CDH23: variants seen among roughly 807,000 people sequenced by gnomAD.
CDH23 encodes the protein cadherin-23.
A neutral mutation model predicts 317.1 loss-of-function variants in CDH23; 189 were observed. That is an observed-to-expected ratio of 0.60 (90% CI 0.53 to 0.67). The LOEUF (loss-of-function observed/expected upper bound fraction) is 0.67. CDH23 is among the 30% of genes least tolerant of loss of function. The pLI, the probability that CDH23 is intolerant of heterozygous loss-of-function variation, is 0.00. For missense variants in CDH23, 4,401 were observed against 4,592.4 expected (o/e 0.96, Z 1.20); for synonymous variants, 1,839 against 1,876.8 (o/e 0.98, Z 0.52).
At chr10:71,654,576 T>G (rs961191208) in intron 14 of CDH23, among the ~76,000 whole-genome samples, 1 of 152,222 alleles carries the variant, frequency 6.6e-6, no homozygotes, top group African/African-American at 2.4e-5. Flanking sequence ...AGGCCTTCTC[T>G]TTCCTTGGGA....
intron 38 of CDH23, among the ~76,000 whole-genome samples, chr10:71,765,008 C>T (rs1437714749): frequency 6.6e-6 from 1 of 152,226 alleles, no homozygotes; most frequent in Admixed American, 6.5e-5. Flanking sequence ...TTCCCCTTCA[C>T]ACCTGAGTGG....
At chr10:71,561,532 G>A (rs1235306776) in intron 6 of CDH23, among the ~76,000 whole-genome samples, 4 of 152,132 alleles carry the variant, frequency 2.6e-5, no homozygotes, top group African/African-American at 4.8e-5. Flanking sequence ...TCCTTTGCAC[G>A]GCAGAACTTT....
chr10:71,531,137 T>C (rs1241934229), intron 6 of CDH23, among the ~76,000 whole-genome samples: 1 of 152,210 alleles, frequency 6.6e-6, no homozygotes, highest in Non-Finnish European at 1.5e-5. Flanking sequence ...AGTTCACCCC[T>C]AAGAGGCTGC....
At position 71,806,231 on chromosome 10, in the gene CDH23, G is replaced by C. The variant is rs936651118; in HGVS notation, c.8128G>C (p.Val2710Leu). 6.3e-7 allele frequency: 1 copy of C among 1,577,956 alleles called. No individual in the cohort carries two copies. The highest frequency in any genetic ancestry group is 1.3e-5 in the African/African-American group (1 of 74,256). The stretch of plus-strand genomic sequence containing the variant: ...ATACGAGACTATGCAGCCGCTGCAG[G>C]TGGCCCTGGAGGACATCGATGACAA... ...VPYETMQPLQ[V>L]ALEDIDDNEP... The change falls in exon 57 of 70, where the codon GTG (valine) becomes CTG (leucine). Residue 2710 changes from valine to leucine, a missense_variant. By Grantham distance (32) the Val-to-Leu change is conservative. This residue lies in a region of CDH23 where 1,144 missense variants were observed against 1,138.2 expected (regional missense o/e 1.01). Coordinates refer to ENST00000224721, the MANE Select transcript of CDH23 (RefSeq NM_022124.6).
intron 3 of CDH23, among the ~76,000 whole-genome samples, chr10:71,461,844 C>A (rs934440025): frequency 7.2e-5 from 11 of 152,208 alleles, no homozygotes; most frequent in Admixed American, 6.5e-5. Flanking sequence ...GGGGTGTGGG[C>A]TCATGTTGGC....
At chr10:71,583,402 G>A (rs1277721517) in intron 9 of CDH23, among the ~76,000 whole-genome samples, 3 of 152,238 alleles carry the variant, frequency 2.0e-5, no homozygotes, top group African/African-American at 7.2e-5. Flanking sequence ...AGTCAGGATT[G>A]CGTTTGGGAA....
rs1280167161 is a variant in CDH23, at chr10:71,809,509, G to A, written c.8723-311G>A. Reference sequence around the variant, plus strand: ...GTGGAATTCTGAGGTACATGTGTTTGAAAGAGAGAGGAGAAACAGACAGAC... The same window carrying A: ...GTGGAATTCTGAGGTACATGTGTTTAAAAGAGAGAGGAGAAACAGACAGAC... On this transcript the variant is annotated intron_variant, in intron 60 of 69. Transcript: ENST00000224721. Among the ~76,000 whole-genome samples, 5 of 152,152 alleles carry A rather than the reference G, an allele frequency of 3.3e-5. No homozygotes were observed. The East Asian group carries it at 9.6e-4, about 29-fold the overall frequency.
chr10:71,463,620 C>T lies in CDH23; in HGVS notation c.145+17225C>T, dbSNP rs1023797610. ...TAGTATTCCCTTACCTGCCATCTCT[C>T]CTGCCAGGGTGTTCTTGTCTGTAAA... On this transcript the variant is annotated intron_variant, in intron 3 of 69. Coordinates refer to ENST00000224721, the MANE Select transcript of CDH23 (RefSeq NM_022124.6). 4.6e-5 allele frequency among the ~76,000 whole-genome samples: 7 copies of T among 152,316 alleles called. No individual in the cohort carries two copies. The South Asian group carries it at 1.4e-3, about 32-fold the overall frequency.
intron 14 of CDH23, among the ~76,000 whole-genome samples, chr10:71,659,404 G>A (rs1179736117): frequency 6.6e-6 from 1 of 152,216 alleles, no homozygotes; most frequent in African/African-American, 2.4e-5. Context: ...AAAGCCTAGA[G>A]CAGCAGGTGG....
Position 71,812,547 on chromosome 10 carries a change from G to A in CDH23, c.9448G>A (p.Asp3150Asn), listed in dbSNP as rs904629858. The A allele has an allele frequency of 6.2e-7, 1 of 1,613,954 alleles. No homozygotes were observed. Among genetic ancestry groups the A allele is most frequent in the Admixed American group, 1.7e-5 (1 of 60,032 alleles). Residue 3150 changes from aspartate to asparagine, a missense_variant, in exon 67 of 70, where the codon GAT (aspartate) becomes AAT (asparagine). Physicochemically the swap from Asp to Asn is conservative, Grantham distance 23. Transcript: ENST00000224721. ...LELAAQAEHEDDLPENLSEIA... is the reference protein window; with the variant it reads ...LELAAQAEHENDLPENLSEIA... ...GCTGGCCGCCCAGGCGGAGCATGAG[G>A]ATGACCTACCGGAGAACCTGAGTGA...
intron 3 of CDH23, among the ~76,000 whole-genome samples, chr10:71,477,250 C>T (rs544939431): frequency 5.3e-5 from 8 of 152,172 alleles, no homozygotes; most frequent in Admixed American, 1.3e-4. Context: ...CTTACTGCAA[C>T]CTCCGCCTCC....
chr10:71,450,547 C>T (rs945760099), intron 3 of CDH23, among the ~76,000 whole-genome samples: 1 of 152,198 alleles, frequency 6.6e-6, no homozygotes, highest in Non-Finnish European at 1.5e-5. Context: ...GGATTACAGG[C>T]GTGAGCCACC....
chr10:71,740,692 C>T, intron 36 of CDH23, 130 bp from the exon 37 acceptor site: 1 of 1,327,306 alleles, frequency 7.5e-7, no homozygotes, highest in South Asian at 1.4e-5. Context: ...CCAGGCCACC[C>T]AGGGGTTCTC....
In CDH23 at chr10:71,793,396, C is replaced by T. The variant is rs1486882538; in HGVS notation, c.6468C>T (p.Gly2156=). 1.2e-6 allele frequency: 2 copies of T among 1,613,916 alleles called. No individual in the cohort carries two copies. Among genetic ancestry groups the T allele is most frequent in the East Asian group, 2.2e-5 (1 of 44,896 alleles). The change falls in exon 48 of 70, where the codon GGC becomes GGT. Residue 2156 remains glycine, a synonymous_variant. Coordinates refer to ENST00000224721, the MANE Select transcript of CDH23 (RefSeq NM_022124.6). ...ATDRGTVPLS[G]TAIVTILIDD... ...ACCGGGGCACCGTTCCTCTCTCGGG[C>T]ACAGCCATTGTCACCATTCTGATCG...
chr10:71,446,891 A>G lies in CDH23; in HGVS notation c.145+496A>G, dbSNP rs72642229. ...CCCCTACTGAGGGCCTGCCTCCTAC[A>G]TCTGTGGCCCCATTGTCCTAGCTCA... On this transcript the variant is annotated intron_variant, in intron 3 of 69. Coordinates refer to ENST00000224721, the MANE Select transcript of CDH23 (RefSeq NM_022124.6). 0.012 allele frequency among the ~76,000 whole-genome samples: 1,759 copies of G among 152,190 alleles called. 79 individuals are homozygous for G. In the East Asian group the frequency reaches 0.12, roughly 10 times the overall value.
In CDH23 at chr10:71,777,971, C is replaced by T. The variant is rs1472259815; in HGVS notation, c.5067+70C>T. ...CAGGGATTGGCAAGGAGTTCAGTGA[C>T]ACTGGAGGGGGATGGAGCAAAGATG... On this transcript the variant is annotated intron_variant, in intron 39 of 69. Coordinates refer to ENST00000224721, the MANE Select transcript of CDH23 (RefSeq NM_022124.6). The T allele has an allele frequency of 1.9e-6, 3 of 1,543,484 alleles. No homozygotes were observed. In the African/African-American group the frequency reaches 4.1e-5, roughly 21 times the overall value.
chr10:71,582,199 C>G (rs1045824858), intron 9 of CDH23, among the ~76,000 whole-genome samples: 5 of 152,222 alleles, frequency 3.3e-5, no homozygotes, highest in Non-Finnish European at 7.3e-5. Flanking sequence ...AGAGTACAGG[C>G]TCTGGAGCCG....
intron 9 of CDH23, among the ~76,000 whole-genome samples, chr10:71,610,453 A>G (rs371702389): frequency 6.6e-6 from 1 of 152,232 alleles, no homozygotes; most frequent in East Asian, 1.9e-4. Flanking sequence ...GAATGCTTGC[A>G]GGGAGAGAAA....
In CDH23 at chr10:71,645,971, C is replaced by T. The variant is rs1349593079; in HGVS notation, c.1281C>T (p.Tyr427=). 21 of 1,611,862 alleles carry T rather than the reference C, an allele frequency of 1.3e-5. No homozygotes were observed. The Middle Eastern group carries it at 9.9e-4, about 76-fold the overall frequency. The change falls in exon 13 of 70, where the codon TAC becomes TAT. Residue 427 remains tyrosine, a synonymous_variant. Coordinates refer to ENST00000224721, the MANE Select transcript of CDH23 (RefSeq NM_022124.6). ...IPLDYETVDR[Y]DFDLFANESV... Reference sequence around the variant, plus strand: ...TGGACTACGAGACCGTGGACCGCTACGACTTTGATGTAAGGCCCCACTCAC... The same window carrying T: ...TGGACTACGAGACCGTGGACCGCTATGACTTTGATGTAAGGCCCCACTCAC...
Sources: gnomAD v4.1 joint callset for allele counts (sites outside exome capture counted in the v4.1 genomes callset) on GRCh38, gnomAD v4.1.1 for gene constraint, gnomAD v4.1.1 regional missense constraint, MANE v1.5 for transcripts, NCBI Gene and HGNC (gene_info 2026-07-23, HGNC 2026-07-21) for gene names.